The following FRMPD4 variants were observed in gnomAD, a reference collection of about 807,000 sequenced individuals.
The protein encoded by FRMPD4 is FERM and PDZ domain containing 4.
In FRMPD4, 22 loss-of-function variants were observed where a neutral mutation model predicts 94.1. That is an observed-to-expected ratio of 0.23 (90% CI 0.17 to 0.33). The LOEUF is 0.33. Among genes scored for constraint, FRMPD4 ranks in the 10% least tolerant of loss-of-function variants. The pLI is 1.00. For synonymous variants in FRMPD4, 631 were observed against 548.6 expected, an observed-to-expected ratio of 1.15 and a Z score of -2.10; for missense variants, 1,111 against 1,339.9, an observed-to-expected ratio of 0.83 and a Z score of 2.67.
intron 1 of FRMPD4, among the ~76,000 whole-genome samples, chrX:12,190,071 T>G (rs764116412): frequency 9.0e-6 from 1 of 111,589 alleles, no homozygotes; most frequent in South Asian, 3.7e-4. Flanking sequence ...ATACCAGCAA[T>G]GAATAAGTGG....
At chrX:11,980,920 T>G (rs1258899733) in intron 3 of FRMPD4, among the ~76,000 whole-genome samples, 1 of 111,526 alleles carries the variant, frequency 9.0e-6, no homozygotes, top group African/African-American at 3.3e-5. Context: ...AGCTAAGACA[T>G]GGGTCAGCAA....
At chrX:11,876,153 C>CT (rs1487160094) in intron 2 of FRMPD4, among the ~76,000 whole-genome samples, 5 of 110,048 alleles carry the variant, frequency 4.5e-5, no homozygotes, top group African/African-American at 1.7e-4. Context: ...ATCTTGTCTT[C>CT]TTTTTTATCA....
At chrX:12,331,634 A>C (rs1483047605) in intron 1 of FRMPD4, among the ~76,000 whole-genome samples, 1 of 80,927 alleles carries the variant, frequency 1.2e-5, no homozygotes, top group Non-Finnish European at 2.2e-5. Flanking sequence ...ATTACATATA[A>C]ATTATATAAA....
At position 12,130,102 on chromosome X, in the gene FRMPD4, A is replaced by AAGAGAGAG. The variant is rs10533802; in HGVS notation, c.95+252110_95+252117dup. The stretch of plus-strand genomic sequence containing the variant: ...TTAAATGGAAAAAGGGAGCCAGCGG[A>AAGAGAGAG]AGAGAGAGAGAGAGAGAGAGAGAGA... On this transcript the variant is annotated intron_variant, in intron 3 of 18. Transcript: ENST00000640291. Among the ~76,000 whole-genome samples the AAGAGAGAG allele has an allele frequency of 4.3e-3, 397 of 92,710 alleles. 4 individuals carry two copies. Among genetic ancestry groups the AAGAGAGAG allele is most frequent in the East Asian group, 0.027 (71 of 2,583 alleles). The allele number at this position is 92,710 out of a possible 115,157, so 80.5% of individuals were successfully genotyped here.
intron 14 of FRMPD4, among the ~76,000 whole-genome samples, 153 bp downstream of exon 14, chrX:12,710,690 G>A (rs187991163): frequency 1.7e-3 from 191 of 111,660 alleles, no homozygotes; most frequent in Non-Finnish European, 3.1e-3. Flanking sequence ...GGCGGATCAC[G>A]AGGTCAGGCT....
At chrX:12,387,349 C>T (rs982594090) in intron 1 of FRMPD4, among the ~76,000 whole-genome samples, 6 of 112,023 alleles carry the variant, frequency 5.4e-5, no homozygotes, top group African/African-American at 1.6e-4. Flanking sequence ...TTCTATTTTA[C>T]GGCATTAAAC....
intron 1 of FRMPD4, among the ~76,000 whole-genome samples, chrX:11,848,190 G>T: frequency 9.0e-6 from 1 of 110,829 alleles, no homozygotes; most frequent in South Asian, 3.8e-4. Context: ...GAGAGTTTCT[G>T]TGTTTGCTGA....
chrX:12,703,335 G>A (rs1602348066), intron 10 of FRMPD4, among the ~76,000 whole-genome samples: 1 of 112,406 alleles, frequency 8.9e-6, no homozygotes, highest in East Asian at 2.8e-4. Context: ...GATACAAGTA[G>A]GATTACAAGA....
chrX:11,842,633 T>C (rs754505124), intron 1 of FRMPD4, among the ~76,000 whole-genome samples: 8 of 85,172 alleles, frequency 9.4e-5, no homozygotes, highest in African/African-American at 4.2e-4. Flanking sequence ...GCTTATCAGC[T>C]TAAGGAGATT....
At chrX:12,494,497 T>G (rs1400615958) in intron 1 of FRMPD4, among the ~76,000 whole-genome samples, 1 of 111,961 alleles carries the variant, frequency 8.9e-6, no homozygotes, top group Non-Finnish European at 1.9e-5. Context: ...TGAATCTGAC[T>G]CGGGACTTTG....
At chrX:12,127,294 C>G (rs757371838) in intron 3 of FRMPD4, among the ~76,000 whole-genome samples, 1 of 111,701 alleles carries the variant, frequency 9.0e-6, no homozygotes, top group South Asian at 3.8e-4. Context: ...TTAATTGACT[C>G]ACAGTTCCAC....
intron 1 of FRMPD4, among the ~76,000 whole-genome samples, chrX:12,170,817 T>C (rs757949469): frequency 1.8e-5 from 2 of 113,014 alleles, no homozygotes; most frequent in Non-Finnish European, 3.7e-5. Flanking sequence ...CTCTCTCCTC[T>C]TTCCTGTACA....
chrX:12,704,734 C>A (rs1711904332), intron 11 of FRMPD4, among the ~76,000 whole-genome samples: 1 of 112,297 alleles, frequency 8.9e-6, no homozygotes, highest in African/African-American at 3.2e-5. Flanking sequence ...TGTTCATGTG[C>A]CCATCCAGGA....
intron 5 of FRMPD4, among the ~76,000 whole-genome samples, chrX:12,681,170 T>C (rs774609008): frequency 3.6e-5 from 4 of 112,074 alleles, no homozygotes; most frequent in Non-Finnish European, 7.5e-5. Context: ...CATTAAAACA[T>C]CTCATCTCAT....
intron 6 of FRMPD4, among the ~76,000 whole-genome samples, chrX:12,684,567 T>C (rs1180787024): frequency 9.0e-6 from 1 of 111,504 alleles, no homozygotes; most frequent in Non-Finnish European, 1.9e-5. Context: ...TGTGCTGCCC[T>C]GTGAGCATGG....
At chrX:12,518,816 TGC>T (rs201427970) in intron 2 of FRMPD4, among the ~76,000 whole-genome samples, 1,798 of 104,433 alleles carry the variant, frequency 0.017, 43 homozygotes, top group African/African-American at 0.055. Context: ...AAAAATTACG[TGC>T]GCGCGTGCAC....
chrX:12,603,611 C>G (rs2059103785), intron 2 of FRMPD4, among the ~76,000 whole-genome samples: 2 of 110,965 alleles, frequency 1.8e-5, no homozygotes, highest in African/African-American at 6.6e-5. Flanking sequence ...TTAATATACT[C>G]TGTATTTTTT....
At chrX:12,035,820 C>T (rs1312371290) in intron 3 of FRMPD4, among the ~76,000 whole-genome samples, 1 of 111,684 alleles carries the variant, frequency 9.0e-6, no homozygotes, top group Non-Finnish European at 1.9e-5. Context: ...AAGAGCCTTT[C>T]TATCAACTTC....
chrX:12,231,027 ATAG>A (rs2056991980), intron 1 of FRMPD4, among the ~76,000 whole-genome samples: 1 of 48,896 alleles, frequency 2.0e-5, no homozygotes, highest in South Asian at 9.6e-4. Flanking sequence ...TAGTATATAT[ATAG>A]TATATATATA....
Sources: allele counts gnomAD v4.1 joint callset (sites outside exome capture counted in the v4.1 genomes callset), GRCh38; gene constraint gnomAD v4.1.1; transcripts MANE v1.5; gene names NCBI Gene and HGNC (gene_info 2026-07-23, HGNC 2026-07-21).